Variants in PCDHGA6 observed in about 807,000 individuals in gnomAD.
PCDHGA6 encodes protocadherin gamma-A6.
In PCDHGA6, 41 loss-of-function variants were observed where a neutral mutation model predicts 60.6. The ratio of observed to expected loss-of-function variants is 0.68; its 90% CI spans 0.53 to 0.88. The LOEUF is 0.88. Ranked by LOEUF, PCDHGA6 falls within the 40% of genes least tolerant of loss-of-function variation. The pLI is 0.00. For synonymous variants in PCDHGA6, 594 were observed against 524.4 expected (o/e 1.13, Z -1.81); for missense variants, 1,312 against 1,203.0 (o/e 1.09, Z -1.34).
At chr5:141,390,370 A>G (rs1252386186) in intron 1 of PCDHGA6, 7 of 1,504,066 alleles carry the variant, frequency 4.7e-6, no homozygotes, top group African/African-American at 4.2e-5. Context: ...AGGAAAATAT[A>G]TAATTTTTAG....
At chr5:141,478,629 T>A in intron 1 of PCDHGA6, 1 of 1,553,688 alleles carries the variant, frequency 6.4e-7, no homozygotes, top group Non-Finnish European at 8.7e-7. Context: ...AGCTGTTTTT[T>A]TAGTGATGAA....
Position 141,487,356 on chromosome 5 carries a change from C to A in PCDHGA6, c.2425-7451C>A. On this transcript the variant is annotated intron_variant, in intron 1 of 3. Coordinates refer to ENST00000517434, the MANE Select transcript of PCDHGA6 (RefSeq NM_018919.3). The surrounding 1 kb of genome is among the most constrained non-coding windows in gnomAD (Gnocchi z 5.0). ...GCCTGTGGAGTCACATGCTTTCCTG[C>A]TGGCACCTGTGCCTGTCTCACCAGA... 1 of 1,614,220 alleles carries A rather than the reference C, an allele frequency of 6.2e-7. No individual in the cohort carries two copies. The highest frequency in any genetic ancestry group is 8.5e-7 in the Non-Finnish European group (1 of 1,180,042).
intron 1 of PCDHGA6, among the ~76,000 whole-genome samples, chr5:141,482,052 T>G (rs2099551017): frequency 6.7e-6 from 1 of 150,154 alleles, no homozygotes; most frequent in Non-Finnish European, 1.5e-5. Flanking sequence ...GCTGTTGCAT[T>G]CCAGCCTGGG....
chr5:141,487,593 C>G lies in PCDHGA6; in HGVS notation c.2425-7214C>G. The G allele has an allele frequency of 6.2e-7, 1 of 1,614,206 alleles. No homozygotes were observed. Among genetic ancestry groups the G allele is most frequent in the African/African-American group, 1.3e-5 (1 of 75,062 alleles). On this transcript the variant is annotated intron_variant, in intron 1 of 3. Coordinates refer to ENST00000517434, the MANE Select transcript of PCDHGA6 (RefSeq NM_018919.3). This position sits in a 1 kb window ranked among gnomAD's most constrained non-coding sequence, Gnocchi z 5.0. ...CCTGTTCGCCCAAGCTGCCCACCCT[C>G]TGATCTTCTCTATGGGCTAGAGGTG...
At position 141,485,321 on chromosome 5, in the gene PCDHGA6, C is replaced by G. The variant is rs780179631; in HGVS notation, c.2425-9486C>G. The G allele has an allele frequency of 6.2e-7, 1 of 1,614,154 alleles. No homozygotes were observed. Among genetic ancestry groups the G allele is most frequent in the Non-Finnish European group, 8.5e-7 (1 of 1,180,024 alleles). On this transcript the variant is annotated intron_variant, in intron 1 of 3. Transcript: ENST00000517434. This position sits in a 1 kb window ranked among gnomAD's most constrained non-coding sequence, Gnocchi z 5.7. The stretch of plus-strand genomic sequence containing the variant: ...AGGGACTTTTGTAGGGAATGTCGCT[C>G]AAGATTTCCTGCTGGATACGGACAG...
chr5:141,376,055 G>C lies in PCDHGA6; in HGVS notation c.1972G>C (p.Val658Leu). ...DHGQPPLSAT[V>L]TLTVAVADRI... The stretch of plus-strand genomic sequence containing the variant: ...CGGCCAGCCCCCTCTCTCCGCCACT[G>C]TCACGCTCACCGTGGCCGTGGCCGA... The change falls in exon 1 of 4, where the codon GTC (valine) becomes CTC (leucine). Residue 658 changes from valine to leucine, a missense_variant. Transcript: ENST00000517434. 1.2e-6 allele frequency: 2 copies of C among 1,613,350 alleles called. No individual in the cohort carries two copies. The highest frequency in any genetic ancestry group is 1.7e-6 in the Non-Finnish European group (2 of 1,179,896).
At position 141,512,815 on chromosome 5, in the gene PCDHGA6, A is replaced by AC. The variant is rs1215322144; in HGVS notation, c.*1647dup. ...TGTGCTGTGTCCACGCGCTAAGGCG[A>AC]CCCCCTCCCCCGTACTGACTTCTCC... is the stretch of plus-strand genomic sequence containing the variant. On this transcript the variant is annotated 3_prime_UTR_variant, in exon 4 of 4. Coordinates refer to ENST00000517434, the MANE Select transcript of PCDHGA6 (RefSeq NM_018919.3). The AC allele has an allele frequency of 6.7e-6, 1 of 149,682 alleles. No homozygotes were observed. The highest frequency in any genetic ancestry group is 1.5e-5 in the Non-Finnish European group (1 of 67,474). 9.3% of individuals were successfully genotyped at this position (149,682 alleles called of 1,614,324 possible).
At chr5:141,379,827 G>A (rs1217798060) in intron 1 of PCDHGA6, among the ~76,000 whole-genome samples, 3 of 142,646 alleles carry the variant, frequency 2.1e-5, no homozygotes, top group Non-Finnish European at 3.0e-5. Flanking sequence ...GAATTTTGAA[G>A]CATCAGGAAA....
intron 1 of PCDHGA6, chr5:141,409,471 A>G (rs2095271616): frequency 1.2e-6 from 2 of 1,613,860 alleles, no homozygotes; most frequent in Non-Finnish European, 1.7e-6. Flanking sequence ...TCACCATCGT[A>G]GCCACTGACA....
intron 1 of PCDHGA6, among the ~76,000 whole-genome samples, chr5:141,458,988 C>G (rs996478276): frequency 6.6e-6 from 1 of 152,208 alleles, no homozygotes; most frequent in African/African-American, 2.4e-5. Flanking sequence ...CTGCCTCACC[C>G]TCCCAAAGTG....
intron 1 of PCDHGA6, chr5:141,409,110 A>T: frequency 6.2e-7 from 1 of 1,614,060 alleles, no homozygotes; most frequent in Non-Finnish European, 8.5e-7. Context: ...ATGATTAAGA[A>T]TAACCAGTCA....
Position 141,374,077 on chromosome 5 carries a change from G to A in PCDHGA6, c.-7G>A, listed in dbSNP as rs530727064. 38 of 1,515,728 alleles carry A rather than the reference G, an allele frequency of 2.5e-5. No individual in the cohort carries two copies. The African/African-American group carries it at 3.6e-4, about 14-fold the overall frequency. 93.9% of individuals were successfully genotyped at this position (1,515,728 alleles called of 1,614,324 possible). A position where few individuals can be genotyped will look rare whatever the true frequency, so the allele number is the denominator to read the frequency against. ...TTAATCCCAGAGAAGTTCCTAATAA[G>A]CCAGTAATGGCGCCTCCGCAGAGGC... On this transcript the variant is annotated 5_prime_UTR_variant, in exon 1 of 4. Coordinates refer to ENST00000517434, the MANE Select transcript of PCDHGA6 (RefSeq NM_018919.3).
At chr5:141,393,800 GA>G (rs1403705962) in intron 1 of PCDHGA6, 2 of 1,613,842 alleles carry the variant, frequency 1.2e-6, no homozygotes, top group Non-Finnish European at 1.7e-6. Flanking sequence ...CACTTCTGGG[GA>G]GGACCAAATT....
chr5:141,430,433 T>C (rs1371764261), intron 1 of PCDHGA6, among the ~76,000 whole-genome samples: 2 of 151,080 alleles, frequency 1.3e-5, no homozygotes, highest in Admixed American at 6.6e-5. Context: ...ATACGGTAGA[T>C]TTCCATCCCC....
chr5:141,509,719 C>G (rs2099877973), intron 3 of PCDHGA6, among the ~76,000 whole-genome samples: 1 of 152,152 alleles, frequency 6.6e-6, no homozygotes, highest in Non-Finnish European at 1.5e-5. Flanking sequence ...TGTCTGATGT[C>G]ACCTAGCTGT....
intron 1 of PCDHGA6, chr5:141,422,210 T>C: frequency 6.4e-7 from 1 of 1,562,390 alleles, no homozygotes; most frequent in South Asian, 1.2e-5. Flanking sequence ...GGTGGAGGTC[T>C]CTTTACCACC....
At position 141,425,978 on chromosome 5, in the gene PCDHGA6, A is replaced by T. The variant is rs182438141; in HGVS notation, c.2424+49471A>T. Among the ~76,000 whole-genome samples the T allele has an allele frequency of 3.9e-3, 592 of 152,340 alleles. 5 individuals carry two copies. Among genetic ancestry groups the T allele is most frequent in the African/African-American group, 0.014 (563 of 41,588 alleles). ...AGTCCAACACATCAGTCTAATTCTG[A>T]ATCCCATTGAATTAGCAAAGGCTTC... On this transcript the variant is annotated intron_variant, in intron 1 of 3. Coordinates refer to ENST00000517434, the MANE Select transcript of PCDHGA6 (RefSeq NM_018919.3).
intron 1 of PCDHGA6, chr5:141,428,086 G>C: frequency 1.9e-6 from 3 of 1,609,122 alleles, no homozygotes; most frequent in Non-Finnish European, 1.7e-6. Context: ...CACAACGCTT[G>C]GCTGTCCTAC....
At chr5:141,393,167 G>C (rs889451396) in intron 1 of PCDHGA6, 17 of 1,613,166 alleles carry the variant, frequency 1.1e-5, no homozygotes, top group East Asian at 2.2e-5. Context: ...AACTCTTTGG[G>C]GTAGAAATAG....
Sources: allele counts gnomAD v4.1 joint callset (sites outside exome capture counted in the v4.1 genomes callset), GRCh38; gene constraint gnomAD v4.1.1; non-coding constraint Gnocchi (gnomAD v3.1); transcripts MANE v1.5; gene names NCBI Gene and HGNC (gene_info 2026-07-23, HGNC 2026-07-21).